Variants in CFAP20DC observed in about 807,000 individuals in gnomAD.
The protein encoded by CFAP20DC is CFAP20 domain containing.
A neutral mutation model predicts 101.7 loss-of-function variants in CFAP20DC; 84 were observed. That is an observed-to-expected ratio of 0.83 (90% CI 0.69 to 0.99). CFAP20DC has a LOEUF of 0.99. CFAP20DC is among the 50% of genes least tolerant of loss of function. The probability of loss-of-function intolerance (pLI) is 0.00; values close to 1 mark genes in which losing one functional copy is unlikely to be tolerated. For missense variants in CFAP20DC, 1,007 were observed against 970.3 expected (o/e 1.04, Z -0.50); for synonymous variants, 359 against 351.2 (o/e 1.02, Z -0.25).
Position 59,047,235 on chromosome 3 carries a change from AT to A in CFAP20DC, c.40del (p.Ile14PhefsTer21). 1 of 1,533,802 alleles carries A rather than the reference AT, an allele frequency of 6.5e-7. No individual in the cohort carries two copies. The highest frequency in any genetic ancestry group is 1.2e-5 in the South Asian group (1 of 83,954). On this transcript the variant is annotated frameshift_variant, in exon 2 of 17. Coordinates refer to ENST00000482387, the MANE Select transcript of CFAP20DC (RefSeq NM_001394063.1). LOFTEE classifies it high-confidence loss of function. ...NEYQGGAFVEIFSAQGKNPGA... is the reference protein window; with the variant it reads ...NEYQGGAFVEXFSAQGKNPGA... ...AGGATTTTTTCCTTGAGCACTGAAA[AT>A]TTCAACAAATGCACCTCCCTAGAAA... is the stretch of plus-strand genomic sequence containing the variant.
chr3:58,990,922 A>G (rs1398137796), intron 4 of CFAP20DC, among the ~76,000 whole-genome samples: 1 of 152,104 alleles, frequency 6.6e-6, no homozygotes, highest in Non-Finnish European at 1.5e-5. Context: ...TTTTTTTTAA[A>G]AACCTGCTTT....
intron 14 of CFAP20DC, among the ~76,000 whole-genome samples, chr3:58,811,600 C>A (rs1415165394): frequency 6.6e-6 from 1 of 152,058 alleles, no homozygotes; most frequent in Admixed American, 6.6e-5. Context: ...ACCATAAAAA[C>A]CCTAGAAGAA....
chr3:59,046,673 C>A (rs1699888321), intron 2 of CFAP20DC, among the ~76,000 whole-genome samples: 1 of 151,772 alleles, frequency 6.6e-6, no homozygotes, highest in Admixed American at 6.6e-5. Flanking sequence ...CAGTCAATGG[C>A]CTAAAGTTCC....
intron 15 of CFAP20DC, among the ~76,000 whole-genome samples, chr3:58,784,390 G>A (rs2072126106): frequency 6.6e-6 from 1 of 151,944 alleles, no homozygotes; most frequent in African/African-American, 2.4e-5. Context: ...AGGGAGGGAG[G>A]CAAGGGTTAA....
At chr3:58,917,587 T>C (rs545766426) in intron 5 of CFAP20DC, among the ~76,000 whole-genome samples, 10 of 152,202 alleles carry the variant, frequency 6.6e-5, no homozygotes, top group Non-Finnish European at 1.5e-4. Context: ...CATAATGGTA[T>C]ACAGAGACCA....
intron 13 of CFAP20DC, among the ~76,000 whole-genome samples, chr3:58,836,584 G>A (rs2076753107): frequency 6.6e-6 from 1 of 152,042 alleles, no homozygotes; most frequent in Non-Finnish European, 1.5e-5. Flanking sequence ...GGCTGAAGGG[G>A]GATAGAATTG....
chr3:58,802,730 A>C (rs1347680266), intron 15 of CFAP20DC, among the ~76,000 whole-genome samples: 3 of 152,218 alleles, frequency 2.0e-5, no homozygotes, highest in Non-Finnish European at 4.4e-5. Flanking sequence ...AAAGTGAATG[A>C]CTTTACTGTG....
intron 16 of CFAP20DC, 76 bp downstream of exon 16, chr3:58,753,693 C>T (rs2068725199): frequency 2.4e-5 from 24 of 1,007,904 alleles, no homozygotes; most frequent in Non-Finnish European, 3.7e-5. Context: ...ACAGTGGCAT[C>T]TCAAAGTGAT....
chr3:58,817,352 A>G (rs1375177029), intron 14 of CFAP20DC, among the ~76,000 whole-genome samples: 1 of 152,090 alleles, frequency 6.6e-6, no homozygotes, highest in African/African-American at 2.4e-5. Flanking sequence ...GAGCTATGGG[A>G]GGACATTCAA....
chr3:58,976,841 G>A (rs945968393), intron 4 of CFAP20DC, among the ~76,000 whole-genome samples: 7 of 152,236 alleles, frequency 4.6e-5, no homozygotes, highest in African/African-American at 1.4e-4. Flanking sequence ...AGTGCGTTCT[G>A]CCTGTGATGG....
intron 14 of CFAP20DC, among the ~76,000 whole-genome samples, chr3:58,810,750 G>A (rs914847005): frequency 6.6e-6 from 1 of 151,066 alleles, no homozygotes; most frequent in Non-Finnish European, 1.5e-5. Context: ...ATTAGGAAAA[G>A]AGGAAGTCAA....
At chr3:58,970,057 T>C (rs1233664162) in intron 4 of CFAP20DC, among the ~76,000 whole-genome samples, 1 of 152,174 alleles carries the variant, frequency 6.6e-6, no homozygotes, top group Non-Finnish European at 1.5e-5. Flanking sequence ...ACTAGTTTAG[T>C]CATTTATTGA....
chr3:58,925,920 T>C (rs1213677196), intron 5 of CFAP20DC, among the ~76,000 whole-genome samples: 1 of 152,240 alleles, frequency 6.6e-6, no homozygotes, highest in Non-Finnish European at 1.5e-5. Context: ...TAGGTAATCA[T>C]CTGTTTTCCA....
intron 14 of CFAP20DC, among the ~76,000 whole-genome samples, chr3:58,812,626 A>G (rs2074753973): frequency 6.6e-6 from 1 of 151,766 alleles, no homozygotes; most frequent in South Asian, 2.1e-4. Flanking sequence ...TAATGGGTGC[A>G]GCACACCAGC....
chr3:58,750,364 C>T (rs2068483858), intron 16 of CFAP20DC, among the ~76,000 whole-genome samples: 1 of 152,174 alleles, frequency 6.6e-6, no homozygotes, highest in South Asian at 2.1e-4. Flanking sequence ...CATCACTGCA[C>T]TGCCCTAAGT....
At position 59,040,635 on chromosome 3, in the gene CFAP20DC, T is replaced by G. The variant is rs1481870258; in HGVS notation, c.206-1006A>C. ...AGTCTAAAACTCATGCTATTTTATA[T>G]TATTCCAACTTAGTACGCTTAACAA... On this transcript the variant is annotated intron_variant, in intron 3 of 16. Coordinates refer to ENST00000482387, the MANE Select transcript of CFAP20DC (RefSeq NM_001394063.1). Among the ~76,000 whole-genome samples the G allele has an allele frequency of 3.9e-5, 6 of 152,032 alleles. No individual in the cohort carries two copies. The South Asian group carries it at 1.0e-3, about 26-fold the overall frequency.
chr3:58,928,877 T>C (rs1232918395), intron 5 of CFAP20DC, among the ~76,000 whole-genome samples: 1 of 152,208 alleles, frequency 6.6e-6, no homozygotes, highest in African/African-American at 2.4e-5. Context: ...TTCATATCAC[T>C]AATTTTTTAA....
rs915360157 is a variant in CFAP20DC, at chr3:58,914,192, G to A, written c.394-328C>T. Among the ~76,000 whole-genome samples, 1 of 152,152 alleles carries A rather than the reference G, an allele frequency of 6.6e-6. No homozygotes were observed. The highest frequency in any genetic ancestry group is 2.4e-5 in the African/African-American group (1 of 41,448). ...AGCTAATTGCAGGTGTGTTAGACCA[G>A]TGACATCTTGAAAATCAGAGATAAG... On this transcript the variant is annotated intron_variant, in intron 5 of 16. Coordinates refer to ENST00000482387, the MANE Select transcript of CFAP20DC (RefSeq NM_001394063.1). This position sits in a 1 kb window ranked among gnomAD's most constrained non-coding sequence, Gnocchi z 4.9.
At chr3:58,980,563 A>G (rs1377233026) in intron 4 of CFAP20DC, among the ~76,000 whole-genome samples, 1 of 152,236 alleles carries the variant, frequency 6.6e-6, no homozygotes, top group East Asian at 1.9e-4. Context: ...ACACAAATCA[A>G]TAAATGTAAT....
Sources: gnomAD v4.1 joint callset for allele counts (sites outside exome capture counted in the v4.1 genomes callset) on GRCh38, gnomAD v4.1.1 for gene constraint, Gnocchi (gnomAD v3.1) non-coding constraint, MANE v1.5 for transcripts, NCBI Gene and HGNC (gene_info 2026-07-23, HGNC 2026-07-21) for gene names.